ROBO2: variants seen among roughly 807,000 people sequenced by gnomAD.
ROBO2 encodes roundabout guidance receptor 2.
ROBO2 carries 53 observed loss-of-function variants against 160.8 expected under a neutral mutation model. The ratio of observed to expected loss-of-function variants is 0.33; its 90% confidence interval spans 0.26 to 0.41. ROBO2 has a LOEUF of 0.41. ROBO2 is among the 10% of genes least tolerant of loss of function. The pLI, the probability that ROBO2 is intolerant of heterozygous loss-of-function variation, is 1.00. For missense variants in ROBO2, 1,577 were observed against 1,722.4 expected, an observed-to-expected ratio of 0.92 and a Z score of 1.49; for synonymous variants, 664 against 611.7, an observed-to-expected ratio of 1.09 and a Z score of -1.26.
At position 76,806,553 on chromosome 3, in the gene ROBO2, G is replaced by A. The variant is rs555268806; in HGVS notation, c.110-291461G>A. Among the ~76,000 whole-genome samples, 4 of 152,036 alleles carry A rather than the reference G, an allele frequency of 2.6e-5. No individual in the cohort carries two copies. In the South Asian group the frequency reaches 6.2e-4, roughly 24 times the overall value. On this transcript the variant is annotated intron_variant, in intron 2 of 26. Transcript: ENST00000487694. Reference sequence around the variant, plus strand: ...ATAAAAATGAAACATTTTGGATATGGTCACATCAAAAGCAACTGCATCTTC... The same window carrying A: ...ATAAAAATGAAACATTTTGGATATGATCACATCAAAAGCAACTGCATCTTC...
intron 2 of ROBO2, among the ~76,000 whole-genome samples, chr3:76,505,020 A>C (rs1310589285): frequency 6.6e-6 from 1 of 152,206 alleles, no homozygotes; most frequent in Non-Finnish European, 1.5e-5. Flanking sequence ...TATGTGGTAA[A>C]TGAGCAGTGT....
At chr3:76,869,249 C>A (rs755387728) in intron 2 of ROBO2, among the ~76,000 whole-genome samples, 3 of 150,378 alleles carry the variant, frequency 2.0e-5, no homozygotes, top group Non-Finnish European at 3.0e-5. Flanking sequence ...GATCTGCAAA[C>A]TTGCATTGCT....
At position 75,984,012 on chromosome 3, in the gene ROBO2, T is replaced by A. The variant is rs143652816; in HGVS notation, c.109+46410T>A. On this transcript the variant is annotated intron_variant, in intron 2 of 26. Coordinates refer to the ROBO2 transcript ENST00000487694. The stretch of plus-strand genomic sequence containing the variant: ...AGAAATAATAGCAATCTTTAAACCT[T>A]TCTAGTAGGGAGATACCTAAATATT... 2.2e-3 allele frequency among the ~76,000 whole-genome samples: 334 copies of A among 151,548 alleles called. 1 individual carries two copies. Among genetic ancestry groups the A allele is most frequent in the Middle Eastern group, 6.8e-3 (2 of 294 alleles).
chr3:76,160,874 T>A (rs150663719), intron 2 of ROBO2, among the ~76,000 whole-genome samples: 1 of 152,282 alleles, frequency 6.6e-6, no homozygotes, highest in Admixed American at 6.5e-5. Flanking sequence ...TCAAGTGAAT[T>A]TTTCATGAAT....
intron 2 of ROBO2, among the ~76,000 whole-genome samples, chr3:77,218,648 A>C (rs1235671351): frequency 1.3e-5 from 2 of 152,186 alleles, no homozygotes; most frequent in Non-Finnish European, 2.9e-5. Flanking sequence ...CTGGGATTAC[A>C]GGAGTGAGCT....
At chr3:77,574,449 G>T (rs772241265) in intron 13 of ROBO2, 50 bp from the exon 15 acceptor site, 3 of 1,460,658 alleles carry the variant, frequency 2.1e-6, no homozygotes, top group Non-Finnish European at 2.9e-6. Context: ...TCATTGTGTT[G>T]TCTAAAATAC....
intron 2 of ROBO2, among the ~76,000 whole-genome samples, chr3:76,254,567 T>A (rs896309537): frequency 7.9e-5 from 12 of 152,062 alleles, no homozygotes; most frequent in Admixed American, 1.3e-4. Context: ...TTAGAGAGAC[T>A]GGAAGTCTAG....
intron 2 of ROBO2, among the ~76,000 whole-genome samples, chr3:77,259,397 T>C (rs2058637148): frequency 6.6e-6 from 1 of 152,150 alleles, no homozygotes; most frequent in African/African-American, 2.4e-5. Context: ...ACAGTATATC[T>C]TCAATAAAAT....
In ROBO2 at chr3:76,996,624, C is replaced by A. The variant is rs1278113329; in HGVS notation, c.110-101390C>A. On this transcript the variant is annotated intron_variant, in intron 2 of 26. Transcript: ENST00000487694. ...CCATTTGTTTGTATCCTCTTTTTTT[C>A]ATTGAGCAGTGGTTTTGTCCCATCA... Among the ~76,000 whole-genome samples the A allele has an allele frequency of 2.0e-5, 3 of 151,648 alleles. No homozygotes were observed. In the East Asian group the frequency reaches 5.8e-4, roughly 29 times the overall value.
intron 2 of ROBO2, among the ~76,000 whole-genome samples, chr3:76,170,815 G>A (rs1025025451): frequency 3.3e-5 from 5 of 152,030 alleles, no homozygotes; most frequent in Admixed American, 1.3e-4. Context: ...ATTAAGGTAG[G>A]TATTTTTGTA....
chr3:75,948,628 C>T (rs778627311), intron 2 of ROBO2, among the ~76,000 whole-genome samples: 1 of 152,204 alleles, frequency 6.6e-6, no homozygotes, highest in Middle Eastern at 3.4e-3. Context: ...TGACAACAGG[C>T]ACCACGCTGC....
At chr3:76,579,018 A>T (rs1424425707) in intron 2 of ROBO2, among the ~76,000 whole-genome samples, 3 of 152,114 alleles carry the variant, frequency 2.0e-5, no homozygotes, top group Non-Finnish European at 4.4e-5. Flanking sequence ...TCTCTTGAAA[A>T]ATCATACCAA....
chr3:76,123,414 A>G (rs2108299302), intron 2 of ROBO2, among the ~76,000 whole-genome samples: 1 of 152,262 alleles, frequency 6.6e-6, no homozygotes, highest in South Asian at 2.1e-4. Flanking sequence ...AAGTTTTTCT[A>G]CTATTAATGA....
At chr3:77,499,503 A>G (rs2087239739) in intron 5 of ROBO2, among the ~76,000 whole-genome samples, 1 of 152,194 alleles carries the variant, frequency 6.6e-6, no homozygotes, top group East Asian at 1.9e-4. Flanking sequence ...GGCATTTATT[A>G]ATAATGCAGT....
intron 2 of ROBO2, among the ~76,000 whole-genome samples, chr3:76,940,366 A>AT (rs750961560): frequency 1.3e-5 from 2 of 152,158 alleles, no homozygotes; most frequent in African/African-American, 4.8e-5. Flanking sequence ...GATTGAATGG[A>AT]TTTTATCATG....
At chr3:75,911,581 G>A (rs1946588978) in intron 1 of ROBO2, among the ~76,000 whole-genome samples, 2 of 108,806 alleles carry the variant, frequency 1.8e-5, no homozygotes, top group Non-Finnish European at 3.6e-5. Flanking sequence ...TTTTTGAGAC[G>A]GAGTTTCGCT....
intron 2 of ROBO2, among the ~76,000 whole-genome samples, chr3:76,831,529 T>C (rs562558071): frequency 3.9e-5 from 6 of 152,324 alleles, no homozygotes; most frequent in Middle Eastern, 3.4e-3. Flanking sequence ...GCCATGTTTT[T>C]CAGCTCCATT....
At chr3:77,255,518 T>C (rs1476287827) in intron 2 of ROBO2, among the ~76,000 whole-genome samples, 2 of 152,202 alleles carry the variant, frequency 1.3e-5, no homozygotes, top group African/African-American at 2.4e-5. Flanking sequence ...AAAAGGTGTC[T>C]GGTGGTAACC....
At chr3:76,701,386 G>A (rs1308420984) in intron 2 of ROBO2, among the ~76,000 whole-genome samples, 2 of 152,070 alleles carry the variant, frequency 1.3e-5, no homozygotes, top group Non-Finnish European at 2.9e-5. Context: ...AGAGTCAGAT[G>A]TGTGTTTTGA....
Sources: gnomAD v4.1 joint callset for allele counts (sites outside exome capture counted in the v4.1 genomes callset) on GRCh38, gnomAD v4.1.1 for gene constraint, MANE v1.5 for transcripts, NCBI Gene and HGNC (gene_info 2026-07-23, HGNC 2026-07-21) for gene names.